The following HTR4 variants were observed in gnomAD, a reference collection of about 807,000 sequenced individuals.
The protein encoded by HTR4 is 5-hydroxytryptamine (serotonin) receptor 4, G protein-coupled.
HTR4 carries 16 observed loss-of-function variants against 36.8 expected under a neutral mutation model. The observed-to-expected ratio is 0.43, with a 90% CI of 0.29 to 0.66. The LOEUF is 0.66. Ranked by LOEUF, HTR4 falls within the 30% of genes least tolerant of loss-of-function variation. HTR4 has a pLI of 0.13. For missense variants in HTR4, 438 were observed against 490.9 expected (o/e 0.89, Z 1.02); for synonymous variants, 189 against 185.1 (o/e 1.02, Z -0.17).
At chr5:148,601,122 G>A (rs1283142152) in intron 2 of HTR4, among the ~76,000 whole-genome samples, 1 of 151,474 alleles carries the variant, frequency 6.6e-6, no homozygotes, top group African/African-American at 2.4e-5. Context: ...TCAGGAACAT[G>A]CAAATCAAAA....
At chr5:148,451,403 G>A (rs1029256691) in intron 5 of HTR4, 4 of 1,479,220 alleles carry the variant, frequency 2.7e-6, no homozygotes, top group Admixed American at 2.0e-5. Context: ...GTGGGAGTGG[G>A]GATGGGGTGA....
intron 6 of HTR4, among the ~76,000 whole-genome samples, chr5:148,503,949 C>G (rs1027247115): frequency 6.6e-6 from 1 of 152,146 alleles, no homozygotes; most frequent in Admixed American, 6.5e-5. Context: ...GCTAACTATC[C>G]TAAATAGATA....
chr5:148,526,996 T>G (rs190245456), intron 4 of HTR4, among the ~76,000 whole-genome samples: 34 of 152,288 alleles, frequency 2.2e-4, no homozygotes, highest in African/African-American at 6.7e-4. Context: ...CAATCACTTA[T>G]TGTATCTTTC....
chr5:148,521,517 C>T (rs145862007), intron 5 of HTR4, among the ~76,000 whole-genome samples: 132 of 151,692 alleles, frequency 8.7e-4, no homozygotes, highest in African/African-American at 2.8e-3. Flanking sequence ...TCTAGTGTGC[C>T]GGCATTTGGA....
intron 6 of HTR4, among the ~76,000 whole-genome samples, chr5:148,493,240 T>C (rs999922242): frequency 2.6e-5 from 4 of 152,204 alleles, no homozygotes; most frequent in African/African-American, 9.7e-5. Flanking sequence ...GACCAGTGCA[T>C]ATACAGGAAT....
At chr5:148,582,797 T>A (rs1330235820) in intron 2 of HTR4, among the ~76,000 whole-genome samples, 1 of 152,202 alleles carries the variant, frequency 6.6e-6, no homozygotes, top group African/African-American at 2.4e-5. Context: ...ATCCTGAGAC[T>A]TTGCTGAAGT....
chr5:148,526,869 G>A (rs1758301051), intron 4 of HTR4, among the ~76,000 whole-genome samples: 1 of 152,086 alleles, frequency 6.6e-6, no homozygotes, highest in South Asian at 2.1e-4. Context: ...ACCACAGGCT[G>A]GGAGGGGTAG....
intron 5 of HTR4, among the ~76,000 whole-genome samples, chr5:148,456,782 T>G (rs776240615): frequency 2.0e-5 from 3 of 152,284 alleles, no homozygotes; most frequent in Non-Finnish European, 4.4e-5. Flanking sequence ...TGCCATTTAC[T>G]AATTCTGTGA....
chr5:148,482,298 T>A lies in HTR4; in HGVS notation c.*905A>T. 1 of 985,432 alleles carries A rather than the reference T, an allele frequency of 1.0e-6. No individual in the cohort carries two copies. Among genetic ancestry groups the A allele is most frequent in the Non-Finnish European group, 1.2e-6 (1 of 829,984 alleles). 61.0% of individuals were successfully genotyped at this position (985,432 alleles called of 1,614,324 possible). The stretch of plus-strand genomic sequence containing the variant: ...AAGGGTTTCAAAATGATATCACAAG[T>A]TCATGGGAAAGATCCTGAAGCCTAA... On this transcript the variant is annotated 3_prime_UTR_variant, in exon 7 of 7. Transcript: ENST00000377888.
At chr5:148,525,033 G>A (rs1758199207) in intron 4 of HTR4, among the ~76,000 whole-genome samples, 1 of 152,090 alleles carries the variant, frequency 6.6e-6, no homozygotes. Context: ...AGCTTGGTGG[G>A]GTGTCCTGAT....
Position 148,602,694 on chromosome 5 carries a change from T to A in HTR4, c.26+34295A>T, listed in dbSNP as rs190981182. On this transcript the variant is annotated intron_variant, in intron 2 of 6. Coordinates refer to ENST00000377888, the MANE Select transcript of HTR4 (RefSeq NM_000870.7). ...AACCAACAACACAGAAAATAAGCAATGCCAATACTTGATTCCTTGAAAAGA... is the reference window on the plus strand; with the variant it reads ...AACCAACAACACAGAAAATAAGCAAAGCCAATACTTGATTCCTTGAAAAGA... Among the ~76,000 whole-genome samples the A allele has an allele frequency of 1.7e-3, 261 of 152,184 alleles. 3 individuals carry two copies. Among genetic ancestry groups the A allele is most frequent in the African/African-American group, 5.9e-3 (246 of 41,548 alleles).
intron 5 of HTR4, among the ~76,000 whole-genome samples, chr5:148,459,627 G>A (rs1307430089): frequency 1.3e-5 from 2 of 152,090 alleles, no homozygotes; most frequent in East Asian, 1.9e-4. Context: ...TCCCCTCCCC[G>A]CATACCTTAA....
In HTR4 at chr5:148,531,741, C is replaced by T. The variant is rs1257235079; in HGVS notation, c.354-8395G>A. 2.6e-5 allele frequency among the ~76,000 whole-genome samples: 4 copies of T among 152,108 alleles called. No homozygotes were observed. In the East Asian group the frequency reaches 7.7e-4, roughly 29 times the overall value. On this transcript the variant is annotated intron_variant, in intron 4 of 6. Coordinates refer to ENST00000377888, the MANE Select transcript of HTR4 (RefSeq NM_000870.7). The stretch of plus-strand genomic sequence containing the variant: ...GGTAACTTGTAGTTTTTCCCTCTGG[C>T]TTAATTTAAATTTCTATCTAATTCT...
intron 5 of HTR4, 146 bp from the exon 6 acceptor site, chr5:148,510,170 G>T: frequency 1.7e-6 from 1 of 604,264 alleles, no homozygotes; most frequent in Admixed American, 3.1e-5. Context: ...AAAAGAAGGG[G>T]AAGAGAACAA....
At chr5:148,613,808 A>T in intron 2 of HTR4, among the ~76,000 whole-genome samples, 1 of 151,596 alleles carries the variant, frequency 6.6e-6, no homozygotes, top group East Asian at 1.9e-4. Context: ...AAATCTCCTT[A>T]AGCTGATAAG....
chr5:148,651,549 C>T (rs1371289648), intron 1 of HTR4, among the ~76,000 whole-genome samples: 1 of 151,948 alleles, frequency 6.6e-6, no homozygotes, highest in African/African-American at 2.4e-5. Context: ...GTAGGGGTTG[C>T]TGCTGGCATC....
At chr5:148,531,409 C>A (rs1758560119) in intron 4 of HTR4, among the ~76,000 whole-genome samples, 1 of 152,150 alleles carries the variant, frequency 6.6e-6, no homozygotes, top group South Asian at 2.1e-4. Flanking sequence ...TTTCCCTGTA[C>A]AAGCTCTCTT....
chr5:148,538,718 T>C lies in HTR4; in HGVS notation c.353+9950A>G, dbSNP rs959500612. Among the ~76,000 whole-genome samples the C allele has an allele frequency of 9.2e-5, 14 of 151,978 alleles. No homozygotes were observed. The South Asian group carries it at 2.5e-3, about 27-fold the overall frequency. ...AATTACAAAACACTGATCAAAGAAA[T>C]CAGAGATGACACAAAGAAATGGAAA... is the stretch of plus-strand genomic sequence containing the variant. On this transcript the variant is annotated intron_variant, in intron 4 of 6. Coordinates refer to ENST00000377888, the MANE Select transcript of HTR4 (RefSeq NM_000870.7).
chr5:148,490,856 T>C (rs1426263114), intron 6 of HTR4: 5 of 502,836 alleles, frequency 9.9e-6, no homozygotes, highest in South Asian at 7.7e-5. Context: ...CCTTTAAATA[T>C]ATAAAAACAA....
Sources: allele counts gnomAD v4.1 joint callset (sites outside exome capture counted in the v4.1 genomes callset), GRCh38; gene constraint gnomAD v4.1.1; transcripts MANE v1.5; gene names NCBI Gene and HGNC (gene_info 2026-07-23, HGNC 2026-07-21).